The following FBXO42 variants were observed in gnomAD, a reference collection of about 807,000 sequenced individuals.
FBXO42 encodes F-box protein 42.
FBXO42 carries 12 observed loss-of-function variants against 71.7 expected under a neutral mutation model. That is an observed-to-expected ratio of 0.17 (90% CI 0.11 to 0.27). FBXO42 has a LOEUF of 0.27. FBXO42 is among the 10% of genes least tolerant of loss of function. The probability of loss-of-function intolerance (pLI) is 1.00; values close to 1 mark genes in which losing one functional copy is unlikely to be tolerated. For missense variants in FBXO42, 707 were observed against 911.9 expected (o/e 0.78, Z 2.89); for synonymous variants, 325 against 327.5 (o/e 0.99, Z 0.08).
At chr1:16,339,709 T>C (rs1209618150) in intron 1 of FBXO42, among the ~76,000 whole-genome samples, 1 of 152,212 alleles carries the variant, frequency 6.6e-6, no homozygotes, top group African/African-American at 2.4e-5. Context: ...GAAAGGTAGA[T>C]AATGTCTTGA....
rs569719503 is a variant in FBXO42, at chr1:16,271,892, C to T, written c.503-15133G>A. Among the ~76,000 whole-genome samples the T allele has an allele frequency of 5.3e-5, 8 of 151,262 alleles. No homozygotes were observed. The South Asian group carries it at 1.7e-3, about 32-fold the overall frequency. ...AGTGGCTCACACTTGTAATCTCAGC[C>T]CTCTGGGAGGCTGAGGCGGGTGGAT... On this transcript the variant is annotated intron_variant, in intron 4 of 9. Coordinates refer to ENST00000375592, the MANE Select transcript of FBXO42 (RefSeq NM_018994.3).
chr1:16,269,872 TG>T (rs2081821189), intron 4 of FBXO42, among the ~76,000 whole-genome samples: 1 of 151,724 alleles, frequency 6.6e-6, no homozygotes, highest in Non-Finnish European at 1.5e-5. Flanking sequence ...TGTTTTGTTT[TG>T]TTTTTGAGAT....
At chr1:16,284,539 T>C (rs189164635) in intron 4 of FBXO42, among the ~76,000 whole-genome samples, 5 of 152,250 alleles carry the variant, frequency 3.3e-5, no homozygotes, top group Non-Finnish European at 7.3e-5. Flanking sequence ...ATCTGTCATC[T>C]TAAAAAAACG....
chr1:16,326,319 G>T (rs1026126734), intron 1 of FBXO42, among the ~76,000 whole-genome samples: 7 of 151,332 alleles, frequency 4.6e-5, no homozygotes, highest in African/African-American at 1.7e-4. Context: ...GCCTCCCAAA[G>T]TGCTGGGATT....
At chr1:16,312,954 C>T (rs2082327058) in intron 2 of FBXO42, among the ~76,000 whole-genome samples, 1 of 151,914 alleles carries the variant, frequency 6.6e-6, no homozygotes, top group South Asian at 2.1e-4. Context: ...ACCACCATGC[C>T]TCACTAATTT....
intron 4 of FBXO42, chr1:16,293,133 G>A (rs916891897): frequency 6.6e-6 from 1 of 152,288 alleles, no homozygotes; most frequent in African/African-American, 2.4e-5. Context: ...CTTTTTATAT[G>A]ATTACCATTT....
rs1164774026 is a variant in FBXO42 at position 16,252,131 on chromosome 1, T to C, written c.1038+157A>G. On this transcript the variant is annotated intron_variant, in intron 9 of 9. Transcript: ENST00000375592. This position sits in a 1 kb window ranked among gnomAD's most constrained non-coding sequence, Gnocchi z 4.4. ...GGCCCCTGTAAGTTTTCCCATTTAG[T>C]GAGAAATGCCAAAGGAGCTATGGCT... Among the ~76,000 whole-genome samples the C allele has an allele frequency of 1.3e-5, 2 of 152,210 alleles. No individual in the cohort carries two copies. The highest frequency in any genetic ancestry group is 3.8e-4 in the East Asian group (2 of 5,200).
chr1:16,326,040 G>GTGTGTGTGTGTGTGTGTGTGTGTGTGTC (rs766515532), intron 1 of FBXO42, among the ~76,000 whole-genome samples: 1 of 150,388 alleles, frequency 6.6e-6, no homozygotes, highest in Middle Eastern at 3.4e-3. Flanking sequence ...GTGTGTGTGT[G>GTGTGTGTGTGTGTGTGTGTGTGTGTGTC]TGTGTGTGTC....
At chr1:16,349,750 T>C (rs912341815) in intron 1 of FBXO42, among the ~76,000 whole-genome samples, 1 of 152,152 alleles carries the variant, frequency 6.6e-6, no homozygotes, top group Non-Finnish European at 1.5e-5. Context: ...CAATCCCAGT[T>C]ACTCAGGAAG....
chr1:16,321,867 T>C (rs1039167201), intron 1 of FBXO42, among the ~76,000 whole-genome samples: 4 of 152,114 alleles, frequency 2.6e-5, no homozygotes, highest in African/African-American at 9.7e-5. Context: ...AGTTATTTTA[T>C]AATAGAAATT....
In FBXO42 at chr1:16,253,076, G is replaced by A. The variant is rs758866480; in HGVS notation, c.921+20C>T. 39 of 1,610,126 alleles carry A rather than the reference G, an allele frequency of 2.4e-5. No homozygotes were observed. The highest frequency in any genetic ancestry group is 3.2e-5 in the Non-Finnish European group (38 of 1,177,818). ...CACTTAGTAGCATGCACATGGGAATGCCACAGAAGCAATACTCACAGCATT... is the reference window on the plus strand; with the variant it reads ...CACTTAGTAGCATGCACATGGGAATACCACAGAAGCAATACTCACAGCATT... On this transcript the variant is annotated intron_variant, in intron 8 of 9. Coordinates refer to ENST00000375592, the MANE Select transcript of FBXO42 (RefSeq NM_018994.3).
chr1:16,250,846 C>T lies in FBXO42; in HGVS notation c.1978G>A (p.Val660Ile), dbSNP rs772674017. The change falls in exon 10 of 10, where the codon GTC (valine) becomes ATC (isoleucine). Residue 660 changes from valine (V) to isoleucine (I), a missense_variant. By Grantham distance (29) the Val-to-Ile change is conservative. This residue lies in a region of FBXO42 where 482 missense variants were observed against 587.1 expected (regional missense o/e 0.82). Coordinates refer to ENST00000375592, the MANE Select transcript of FBXO42 (RefSeq NM_018994.3). The surrounding 1 kb of genome is among the most constrained non-coding windows in gnomAD (Gnocchi z 4.7). ...CTGCTATTAAATACTTTCCATTTGA[C>T]CCGCCCCTTCTCCTTGGTGTCTTTA... Reference protein sequence around the residue: ...DIKDTKEKGRVKWKVFNSSSV... With the variant: ...DIKDTKEKGRIKWKVFNSSSV... The T allele has an allele frequency of 6.3e-5, 102 of 1,614,038 alleles. No individual in the cohort carries two copies. The highest frequency in any genetic ancestry group is 8.5e-5 in the Non-Finnish European group (100 of 1,180,040).
At chr1:16,255,855 C>T (rs1339649333) in intron 5 of FBXO42, 34 bp from the exon 6 acceptor site, 2 of 1,452,204 alleles carry the variant, frequency 1.4e-6, no homozygotes, top group South Asian at 1.2e-5. Flanking sequence ...GTCAAGAAGT[C>T]AGCACCACAC....
intron 1 of FBXO42, among the ~76,000 whole-genome samples, chr1:16,351,474 A>G (rs1569963615): frequency 6.6e-6 from 1 of 152,184 alleles, no homozygotes; most frequent in Admixed American, 6.6e-5. Context: ...TGAGGCTTTT[A>G]TTTTCCTAAC....
intron 4 of FBXO42, among the ~76,000 whole-genome samples, chr1:16,284,455 A>G (rs544524747): frequency 6.0e-4 from 91 of 152,134 alleles, no homozygotes; most frequent in African/African-American, 2.2e-3. Context: ...TGCTCTAACA[A>G]TTCTCCCCCT....
intron 1 of FBXO42, among the ~76,000 whole-genome samples, chr1:16,343,866 C>T (rs962521172): frequency 1.0e-4 from 15 of 150,510 alleles, no homozygotes; most frequent in African/African-American, 3.7e-4. Flanking sequence ...GTAGTTCTAG[C>T]TACTCGGGAG....
chr1:16,267,591 C>G (rs2081792271), intron 4 of FBXO42, among the ~76,000 whole-genome samples: 1 of 152,176 alleles, frequency 6.6e-6, no homozygotes, highest in Non-Finnish European at 1.5e-5. Flanking sequence ...ATCAGCCCAC[C>G]TTTGGGTGGG....
chr1:16,259,718 A>G lies in FBXO42; in HGVS notation c.503-2959T>C, dbSNP rs534234798. Among the ~76,000 whole-genome samples, 3 of 150,330 alleles carry G rather than the reference A, an allele frequency of 2.0e-5. No homozygotes were observed. The South Asian group carries it at 6.3e-4, about 32-fold the overall frequency. On this transcript the variant is annotated intron_variant, in intron 4 of 9. Transcript: ENST00000375592. ...GAGGTGGAGGTTGCAGTGAGCCGAG[A>G]TTGAGCCACTGCACTCTGGCCTGAG...
intron 1 of FBXO42, among the ~76,000 whole-genome samples, chr1:16,348,614 T>G (rs1358759476): frequency 6.6e-6 from 1 of 152,028 alleles, no homozygotes; most frequent in Non-Finnish European, 1.5e-5. Flanking sequence ...GGCAGGAGAA[T>G]CGCTGGAACC....
Sources: allele counts gnomAD v4.1 joint callset (sites outside exome capture counted in the v4.1 genomes callset), GRCh38; gene constraint gnomAD v4.1.1; regional missense constraint gnomAD v4.1.1; non-coding constraint Gnocchi (gnomAD v3.1); transcripts MANE v1.5; gene names NCBI Gene and HGNC (gene_info 2026-07-23, HGNC 2026-07-21).